NCOA2: variants seen among roughly 807,000 people sequenced by gnomAD.
NCOA2 encodes nuclear receptor coactivator 2.
In NCOA2, 21 loss-of-function variants were observed where a neutral mutation model predicts 145.1. The observed-to-expected ratio is 0.14, with a 90% CI of 0.10 to 0.21. The LOEUF is 0.21. Among genes scored for constraint, NCOA2 ranks in the 10% least tolerant of loss-of-function variants. The probability of loss-of-function intolerance (pLI) is 1.00; values close to 1 mark genes in which losing one functional copy is unlikely to be tolerated. For synonymous variants in NCOA2, 619 were observed against 637.5 expected (o/e 0.97, Z 0.44); for missense variants, 1,472 against 1,837.6 (o/e 0.80, Z 3.64).
chr8:70,224,430 C>T (rs1027306638), intron 2 of NCOA2, among the ~76,000 whole-genome samples: 3 of 152,136 alleles, frequency 2.0e-5, no homozygotes, highest in African/African-American at 7.2e-5. Context: ...ATAAATGTAA[C>T]TTTGAGTCTC....
intron 9 of NCOA2, among the ~76,000 whole-genome samples, chr8:70,160,676 A>AGAGAGAGAGAGAGAGG (rs1438989655): frequency 6.9e-6 from 1 of 144,424 alleles, no homozygotes; most frequent in African/African-American, 2.8e-5. Context: ...AGAGAGAGAG[A>AGAGAGAGAGAGAGAGG]GAGAGGGAGA....
At position 70,163,399 on chromosome 8, in the gene NCOA2, T is replaced by C. The variant is rs1813265423; in HGVS notation, c.832+66A>G. ...CCTTACAGTCTTCTAAATAGAGTCC[T>C]TGCATTCCCAAATATGTAAGTATTC... On this transcript the variant is annotated intron_variant, in intron 8 of 22. Transcript: ENST00000452400. The C allele has an allele frequency of 4.2e-6, 5 of 1,177,100 alleles. No individual in the cohort carries two copies. In the East Asian group the frequency reaches 9.5e-5, roughly 22 times the overall value. The allele number at this position is 1,177,100 out of a possible 1,614,324, so 72.9% of individuals were successfully genotyped here. A position where few individuals can be genotyped will look rare whatever the true frequency, so the allele number is the denominator to read the frequency against.
chr8:70,386,221 T>C (rs775258017), intron 1 of NCOA2, among the ~76,000 whole-genome samples: 2 of 152,224 alleles, frequency 1.3e-5, no homozygotes, highest in African/African-American at 2.4e-5. Flanking sequence ...GATGCATCCA[T>C]ACTTTTATAA....
chr8:70,156,363 A>G lies in NCOA2; in HGVS notation c.2002T>C (p.Ser668Pro). ...CCAGAACCAGGCAAGCTACCTGTGGAGTCTTTGTTTGTATCCGACAAAGAG... is the reference window on the plus strand; with the variant it reads ...CCAGAACCAGGCAAGCTACCTGTGGGGTCTTTGTTTGTATCCGACAAAGAG... ...ASSLSDTNKD[S>P]TGSLPGSGST... Residue 668 changes from serine to proline, a missense_variant, in exon 11 of 23, where the codon TCC becomes CCC. By Grantham distance (74) the Ser-to-Pro change is moderately conservative. Coordinates refer to ENST00000452400, the MANE Select transcript of NCOA2 (RefSeq NM_006540.4). The G allele has an allele frequency of 6.2e-7, 1 of 1,613,920 alleles. No homozygotes were observed. The highest frequency in any genetic ancestry group is 1.1e-5 in the South Asian group (1 of 91,080).
chr8:70,361,337 A>T (rs1015733130), intron 1 of NCOA2, among the ~76,000 whole-genome samples: 2 of 152,130 alleles, frequency 1.3e-5, no homozygotes, highest in African/African-American at 2.4e-5. Flanking sequence ...TCTATTAAAA[A>T]TACAAAAAAA....
intron 1 of NCOA2, among the ~76,000 whole-genome samples, chr8:70,369,874 A>C (rs1811054868): frequency 6.6e-6 from 1 of 151,404 alleles, no homozygotes; most frequent in Non-Finnish European, 1.5e-5. Flanking sequence ...GTGCCTCATT[A>C]ATCTTTTTTT....
chr8:70,317,730 C>G lies in NCOA2; in HGVS notation c.-76-20930G>C, dbSNP rs866812112. ...TAAAAATAAGGAGTCCTAATTCAGG[C>G]CAACCCAGGGGCATCTATTGGTATG... On this transcript the variant is annotated intron_variant, in intron 1 of 22. Transcript: ENST00000452400. Among the ~76,000 whole-genome samples the G allele has an allele frequency of 3.4e-4, 51 of 152,188 alleles. No homozygotes were observed. In the South Asian group the frequency reaches 3.5e-3, roughly 11 times the overall value.
At chr8:70,339,653 A>G (rs533821172) in intron 1 of NCOA2, among the ~76,000 whole-genome samples, 1 of 152,224 alleles carries the variant, frequency 6.6e-6, no homozygotes, top group Non-Finnish European at 1.5e-5. Context: ...AAAAGAACAA[A>G]GCTGGAGGCA....
chr8:70,175,861 C>T (rs1814771763), intron 4 of NCOA2, among the ~76,000 whole-genome samples: 1 of 109,936 alleles, frequency 9.1e-6, no homozygotes, highest in Non-Finnish European at 2.0e-5. Context: ...CTTTCAGAAC[C>T]TTAATAATTT....
intron 1 of NCOA2, among the ~76,000 whole-genome samples, chr8:70,366,079 C>G (rs1810660291): frequency 6.6e-6 from 1 of 152,196 alleles, no homozygotes; most frequent in Non-Finnish European, 1.5e-5. Context: ...GCATGTGCTT[C>G]TCTTACCAGC....
At chr8:70,197,014 G>A (rs1817398216) in intron 4 of NCOA2, among the ~76,000 whole-genome samples, 1 of 152,176 alleles carries the variant, frequency 6.6e-6, no homozygotes, top group Non-Finnish European at 1.5e-5. Context: ...TGGACAGAGT[G>A]TAGAATGCAG....
intron 2 of NCOA2, among the ~76,000 whole-genome samples, chr8:70,230,153 G>A (rs1821010195): frequency 6.6e-6 from 1 of 152,190 alleles, no homozygotes; most frequent in Non-Finnish European, 1.5e-5. Context: ...GATTAGCATG[G>A]TAGCGGTCTA....
chr8:70,389,014 T>C (rs138888620), intron 1 of NCOA2, among the ~76,000 whole-genome samples: 1 of 152,272 alleles, frequency 6.6e-6, no homozygotes, highest in Non-Finnish European at 1.5e-5. Flanking sequence ...AAATTGGAGG[T>C]GCCTTTTAAA....
chr8:70,357,175 C>G (rs1381900133), intron 1 of NCOA2, among the ~76,000 whole-genome samples: 3 of 152,092 alleles, frequency 2.0e-5, no homozygotes, highest in Non-Finnish European at 4.4e-5. Context: ...CCTCCTCTAC[C>G]AGGGTGCAAA....
At chr8:70,249,628 T>C (rs1240752311) in intron 2 of NCOA2, among the ~76,000 whole-genome samples, 1 of 152,122 alleles carries the variant, frequency 6.6e-6, no homozygotes, top group Non-Finnish European at 1.5e-5. Context: ...AGCTCTTAGT[T>C]TGATATCATG....
rs1320816147 is a variant in NCOA2, at chr8:70,213,900, T to C, written c.259+3A>G. 1 of 1,579,412 alleles carries C rather than the reference T, an allele frequency of 6.3e-7. No individual in the cohort carries two copies. Among genetic ancestry groups the C allele is most frequent in the Non-Finnish European group, 8.6e-7 (1 of 1,162,882 alleles). ...CTTCAAAATACTAATTCAGTCCTCT[T>C]ACCTTGTTCTTTGATCTGACGAATT... On this transcript the variant is annotated splice_donor_region_variant and intron_variant, in intron 4 of 22. Transcript: ENST00000452400.
chr8:70,383,452 A>G (rs923243102), intron 1 of NCOA2, among the ~76,000 whole-genome samples: 6 of 152,172 alleles, frequency 3.9e-5, no homozygotes, highest in Non-Finnish European at 8.8e-5. Flanking sequence ...AACATTTTAA[A>G]TGGTTATGTT....
At chr8:70,246,348 T>C (rs1822619158) in intron 2 of NCOA2, among the ~76,000 whole-genome samples, 1 of 152,074 alleles carries the variant, frequency 6.6e-6, no homozygotes, top group Admixed American at 6.6e-5. Flanking sequence ...GCTGGGTAGT[T>C]GAAAGTGGGG....
chr8:70,409,002 G>C, the NCOA2 span, among the ~76,000 whole-genome samples: 3 of 152,002 alleles, frequency 2.0e-5, no homozygotes, highest in African/African-American at 7.3e-5. Context: ...ACTTTGGGAG[G>C]CTGAGGTGGG....
Sources: gnomAD v4.1 joint callset for allele counts (sites outside exome capture counted in the v4.1 genomes callset) on GRCh38, gnomAD v4.1.1 for gene constraint, MANE v1.5 for transcripts, NCBI Gene and HGNC (gene_info 2026-07-23, HGNC 2026-07-21) for gene names.